Variants in GRIK4 observed in about 807,000 individuals in gnomAD.
GRIK4 encodes glutamate receptor ionotropic, kainate 4.
In GRIK4, 40 loss-of-function variants were observed where a neutral mutation model predicts 104.9. That is an observed-to-expected ratio of 0.38 (90% CI 0.30 to 0.50). The LOEUF (loss-of-function observed/expected upper bound fraction) is 0.50, where lower values mean the gene tolerates loss of function less well. Ranked by LOEUF, GRIK4 falls within the 20% of genes least tolerant of loss-of-function variation. GRIK4 has a pLI of 0.93. For missense variants in GRIK4, 1,047 were observed against 1,308.1 expected (o/e 0.80, Z 3.08); for synonymous variants, 485 against 524.9 (o/e 0.92, Z 1.04).
At chr11:120,979,997 G>A (rs531662155) in intron 19 of GRIK4, among the ~76,000 whole-genome samples, 2 of 152,200 alleles carry the variant, frequency 1.3e-5, no homozygotes, top group East Asian at 1.9e-4. Flanking sequence ...CACCATGCCC[G>A]GCTAATTTTT....
intron 1 of GRIK4, among the ~76,000 whole-genome samples, chr11:120,542,714 T>C (rs1948049545): frequency 6.6e-6 from 1 of 152,166 alleles, no homozygotes; most frequent in Non-Finnish European, 1.5e-5. Context: ...ACATTGCTAA[T>C]CACCAGGGAA....
intron 12 of GRIK4, among the ~76,000 whole-genome samples, 166 bp downstream of exon 12, chr11:120,898,805 G>T (rs960344422): frequency 1.3e-5 from 2 of 152,200 alleles, no homozygotes; most frequent in African/African-American, 2.4e-5. Flanking sequence ...ATATGGAAAT[G>T]ATATTTGATG....
chr11:120,648,790 A>G (rs938586285), intron 1 of GRIK4, among the ~76,000 whole-genome samples: 1 of 145,332 alleles, frequency 6.9e-6, no homozygotes, highest in Non-Finnish European at 1.5e-5. Flanking sequence ...TGTAATTATT[A>G]ACCAGACTTT....
intron 9 of GRIK4, chr11:120,868,253 G>A (rs1954479773): frequency 6.6e-6 from 1 of 152,120 alleles, no homozygotes; most frequent in Non-Finnish European, 1.5e-5. Flanking sequence ...TAAACAATTT[G>A]CAAACAGCTC....
intron 11 of GRIK4, among the ~76,000 whole-genome samples, chr11:120,897,578 G>C (rs190798344): frequency 7.7e-4 from 43 of 56,076 alleles, no homozygotes; most frequent in African/African-American, 2.6e-3. Flanking sequence ...CTCTAGCCTG[G>C]GTGACAGAAC....
chr11:120,654,921 C>G lies in GRIK4; in HGVS notation c.-51+1129C>G, dbSNP rs563027020. ...AGGGCGGCACACATTTGTTTCCCTC[C>G]CCTTCTCGGCATATATTACTGTGAT... On this transcript the variant is annotated intron_variant, in intron 2 of 20. Transcript: ENST00000527524. 3.3e-5 allele frequency among the ~76,000 whole-genome samples: 5 copies of G among 152,230 alleles called. No individual in the cohort carries two copies. In the East Asian group the frequency reaches 9.7e-4, roughly 29 times the overall value.
intron 4 of GRIK4, among the ~76,000 whole-genome samples, chr11:120,803,634 C>T (rs992408472): frequency 9.9e-5 from 15 of 152,120 alleles, no homozygotes; most frequent in Admixed American, 2.0e-4. Context: ...GATGGGGTTT[C>T]GCCATGTTGG....
At chr11:120,682,893 G>A (rs1950220108) in intron 3 of GRIK4, among the ~76,000 whole-genome samples, 2 of 152,048 alleles carry the variant, frequency 1.3e-5, no homozygotes, top group African/African-American at 4.8e-5. Context: ...ACTACACTTA[G>A]AAGGCTTTTG....
At chr11:120,886,061 C>T (rs1375314760) in intron 11 of GRIK4, among the ~76,000 whole-genome samples, 7 of 152,290 alleles carry the variant, frequency 4.6e-5, no homozygotes, top group Admixed American at 2.6e-4. Context: ...CAGACAAGTA[C>T]GGTTGATCCT....
chr11:120,848,881 C>T (rs910487144), intron 8 of GRIK4, among the ~76,000 whole-genome samples: 3 of 152,014 alleles, frequency 2.0e-5, no homozygotes, highest in Admixed American at 2.0e-4. Context: ...CAATTCCTAA[C>T]CGAGGGGGAC....
At chr11:120,678,102 C>G (rs548550485) in intron 3 of GRIK4, among the ~76,000 whole-genome samples, 6 of 151,646 alleles carry the variant, frequency 4.0e-5, no homozygotes, top group African/African-American at 1.5e-4. Flanking sequence ...TCTGCAGAGA[C>G]CCCGAGGCCT....
At chr11:120,741,650 C>T (rs956398010) in intron 3 of GRIK4, among the ~76,000 whole-genome samples, 2 of 150,432 alleles carry the variant, frequency 1.3e-5, no homozygotes, top group Non-Finnish European at 3.0e-5. Context: ...AGATTTCCTT[C>T]CTCAGGCGGC....
intron 13 of GRIK4, chr11:120,936,374 G>A: frequency 2.3e-6 from 1 of 429,768 alleles, no homozygotes; most frequent in Non-Finnish European, 4.5e-6. Flanking sequence ...GAGGCCTCTT[G>A]GGTGCATTAG....
intron 1 of GRIK4, among the ~76,000 whole-genome samples, chr11:120,541,460 C>T (rs2253023): frequency 0.28 from 42,457 of 151,776 alleles, 6,126 homozygotes; most frequent in Admixed American, 0.41. Flanking sequence ...CTGTTGCAAC[C>T]AAAAAGGCCA....
chr11:120,685,050 C>G (rs964312987), intron 3 of GRIK4, among the ~76,000 whole-genome samples: 2 of 152,192 alleles, frequency 1.3e-5, no homozygotes, highest in South Asian at 4.1e-4. Flanking sequence ...AAGGGAACCT[C>G]TGAGTCAGTA....
chr11:120,569,547 A>G (rs1197723033), intron 1 of GRIK4, among the ~76,000 whole-genome samples: 2 of 152,164 alleles, frequency 1.3e-5, no homozygotes, highest in African/African-American at 4.8e-5. Context: ...CCATTTCTAT[A>G]TATGGGTATT....
At chr11:120,847,826 G>C (rs1380451488) in intron 8 of GRIK4, among the ~76,000 whole-genome samples, 1 of 152,200 alleles carries the variant, frequency 6.6e-6, no homozygotes, top group African/African-American at 2.4e-5. Flanking sequence ...GCCTGTCCCA[G>C]GCTAAATATC....
intron 3 of GRIK4, among the ~76,000 whole-genome samples, chr11:120,746,300 T>C (rs1951436966): frequency 6.6e-6 from 1 of 152,138 alleles, no homozygotes; most frequent in South Asian, 2.1e-4. Flanking sequence ...TTATTAAACC[T>C]CTCTAAGATG....
intron 9 of GRIK4, among the ~76,000 whole-genome samples, chr11:120,865,782 C>A (rs2135645829): frequency 6.6e-6 from 1 of 152,258 alleles, no homozygotes; most frequent in African/African-American, 2.4e-5. Flanking sequence ...ATTTGTATTG[C>A]CATCAAGGAA....
Sources: allele counts gnomAD v4.1 joint callset (sites outside exome capture counted in the v4.1 genomes callset), GRCh38; gene constraint gnomAD v4.1.1; transcripts MANE v1.5; gene names NCBI Gene and HGNC (gene_info 2026-07-23, HGNC 2026-07-21).